The following CEP63 variants were observed in gnomAD, a reference collection of about 807,000 sequenced individuals.
CEP63 encodes the protein centrosomal protein of 63 kDa.
In CEP63, 84 loss-of-function variants were observed where a neutral mutation model predicts 89.1. The ratio of observed to expected loss-of-function variants is 0.94; its 90% confidence interval spans 0.79 to 1.13. The LOEUF (loss-of-function observed/expected upper bound fraction) is 1.13. Ranked by LOEUF, CEP63 falls within the 50% of genes most tolerant of loss-of-function variation. The pLI, the probability that CEP63 is intolerant of heterozygous loss-of-function variation, is 0.00. For missense variants in CEP63, 838 were observed against 813.3 expected (o/e 1.03, Z -0.37); for synonymous variants, 267 against 272.5 (o/e 0.98, Z 0.20).
At chr3:134,771,969 A>C in the CEP63 span, among the ~76,000 whole-genome samples, 1 of 152,212 alleles carries the variant, frequency 6.6e-6, no homozygotes, top group South Asian at 2.1e-4. Context: ...AAAGCCATAT[A>C]TGTATTCTGT....
the CEP63 span, among the ~76,000 whole-genome samples, chr3:134,685,250 AAGC>A: frequency 7.9e-5 from 12 of 152,240 alleles, no homozygotes; most frequent in African/African-American, 2.9e-4. Context: ...CGTTGAGATG[AAGC>A]AATGATGAAA....
At chr3:134,498,975 C>G (rs1226448288) in intron 2 of CEP63, among the ~76,000 whole-genome samples, 3 of 152,172 alleles carry the variant, frequency 2.0e-5, no homozygotes, top group Non-Finnish European at 4.4e-5. Flanking sequence ...CTGTGTTCAT[C>G]AGGGATATTG....
chr3:134,656,798 C>G, the CEP63 span, among the ~76,000 whole-genome samples: 1 of 152,134 alleles, frequency 6.6e-6, no homozygotes, highest in Non-Finnish European at 1.5e-5. Context: ...GGCGACCCAT[C>G]TGGGTGAGCT....
chr3:134,620,426 G>A, the CEP63 span, among the ~76,000 whole-genome samples: 3 of 152,152 alleles, frequency 2.0e-5, no homozygotes, highest in Non-Finnish European at 4.4e-5. Flanking sequence ...TGTTGCTCTG[G>A]GCTCTCATCT....
chr3:134,735,883 G>A, the CEP63 span, among the ~76,000 whole-genome samples: 2 of 152,044 alleles, frequency 1.3e-5, no homozygotes, highest in Admixed American at 1.3e-4. Flanking sequence ...AGAAAAGGGT[G>A]GGGAAAAGGG....
At chr3:134,643,377 T>G in the CEP63 span, 1 of 1,613,756 alleles carries the variant, frequency 6.2e-7, no homozygotes, top group Admixed American at 1.7e-5. Flanking sequence ...CCACCAAGTT[T>G]TCTATTTAAG....
intron 3 of CEP63, among the ~76,000 whole-genome samples, chr3:134,530,950 T>C (rs1258102319): frequency 2.0e-5 from 3 of 152,212 alleles, no homozygotes; most frequent in Non-Finnish European, 4.4e-5. Context: ...TTCTAGCTGG[T>C]TATTAAAAGA....
the CEP63 span, among the ~76,000 whole-genome samples, chr3:134,733,067 A>G: frequency 1.3e-5 from 2 of 152,170 alleles, no homozygotes; most frequent in African/African-American, 4.8e-5. Context: ...CACTTAGGGA[A>G]CCCAATCTTT....
the CEP63 span, among the ~76,000 whole-genome samples, chr3:134,741,696 C>A: frequency 6.6e-6 from 1 of 152,182 alleles, no homozygotes; most frequent in Non-Finnish European, 1.5e-5. Flanking sequence ...GCTTAACCAA[C>A]AAGTGATTTT....
intron 3 of CEP63, among the ~76,000 whole-genome samples, chr3:134,513,535 G>T: frequency 6.6e-6 from 1 of 152,172 alleles, no homozygotes; most frequent in East Asian, 1.9e-4. Context: ...TTACCAGGCT[G>T]GGATCTGGGC....
chr3:134,485,971 C>A (rs1935130135), upstream of CEP63: 1 of 966,172 alleles, frequency 1.0e-6, no homozygotes, highest in Admixed American at 7.4e-5. Context: ...GCCACCGCGG[C>A]AGACGCTTGC....
At chr3:134,694,073 C>T in the CEP63 span, among the ~76,000 whole-genome samples, 1 of 152,210 alleles carries the variant, frequency 6.6e-6, no homozygotes, top group Non-Finnish European at 1.5e-5. Context: ...TCCTCTGGCC[C>T]CATTTCAGAA....
At chr3:134,692,584 A>T in the CEP63 span, among the ~76,000 whole-genome samples, 1 of 152,222 alleles carries the variant, frequency 6.6e-6, no homozygotes, top group Admixed American at 6.5e-5. Flanking sequence ...GAGAGAAAAG[A>T]GAGTAAAATA....
At chr3:134,634,257 A>G in the CEP63 span, among the ~76,000 whole-genome samples, 1 of 152,194 alleles carries the variant, frequency 6.6e-6, no homozygotes, top group Non-Finnish European at 1.5e-5. Flanking sequence ...ATATAATTAT[A>G]AAATATAGAC....
At chr3:134,532,594 T>G (rs1422757626) in intron 4 of CEP63, among the ~76,000 whole-genome samples, 184 bp from the exon 5 acceptor site, 1 of 152,204 alleles carries the variant, frequency 6.6e-6, no homozygotes, top group Admixed American at 6.5e-5. Context: ...TTTGAATATA[T>G]TTCTTTAGTA....
At chr3:134,600,258 A>G in the CEP63 span, among the ~76,000 whole-genome samples, 3 of 152,230 alleles carry the variant, frequency 2.0e-5, no homozygotes, top group Non-Finnish European at 4.4e-5. Context: ...TGAACATGGC[A>G]TCTAAAACCT....
chr3:134,502,116 T>C (rs1048134832), intron 2 of CEP63, among the ~76,000 whole-genome samples: 2 of 152,258 alleles, frequency 1.3e-5, no homozygotes, highest in Admixed American at 1.3e-4. Context: ...ATTCTGTTTA[T>C]GTGATGAATC....
At chr3:134,557,397 T>TTTTTTTTTTTTTTTTTTC in intron 12 of CEP63, among the ~76,000 whole-genome samples, 1 of 136,472 alleles carries the variant, frequency 7.3e-6, no homozygotes, top group Non-Finnish European at 1.6e-5. Flanking sequence ...TTTTTTTTTT[T>TTTTTTTTTTTTTTTTTTC]TTTTTTTACA....
the CEP63 span, among the ~76,000 whole-genome samples, chr3:134,660,891 G>C: frequency 6.6e-6 from 1 of 152,148 alleles, no homozygotes; most frequent in Non-Finnish European, 1.5e-5. Context: ...CTAGGAAGGG[G>C]CAAGTAAGTC....
Sources: allele counts gnomAD v4.1 joint callset (sites outside exome capture counted in the v4.1 genomes callset), GRCh38; gene constraint gnomAD v4.1.1; transcripts MANE v1.5; gene names NCBI Gene and HGNC (gene_info 2026-07-23, HGNC 2026-07-21).